The following TAFA1 variants were observed in gnomAD, a reference collection of about 807,000 sequenced individuals.
TAFA1 encodes the protein TAFA chemokine like family member 1.
A neutral mutation model predicts 18.5 loss-of-function variants in TAFA1; 4 were observed. The observed-to-expected ratio is 0.22, with a 90% CI of 0.11 to 0.49. The LOEUF (loss-of-function observed/expected upper bound fraction) is 0.49. Among genes scored for constraint, TAFA1 ranks in the 20% least tolerant of loss-of-function variants. TAFA1 has a pLI of 0.98. For synonymous variants in TAFA1, 56 were observed against 55.2 expected (o/e 1.01, Z -0.06); for missense variants, 147 against 169.0 (o/e 0.87, Z 0.72).
chr3:68,459,071 T>C (rs2071723785), intron 3 of TAFA1, among the ~76,000 whole-genome samples: 1 of 152,160 alleles, frequency 6.6e-6, no homozygotes, highest in African/African-American at 2.4e-5. Context: ...GTTTTTCTCC[T>C]TTAGGCAAAG....
intron 3 of TAFA1, among the ~76,000 whole-genome samples, chr3:68,436,697 G>A (rs2071273516): frequency 6.6e-6 from 1 of 152,086 alleles, no homozygotes; most frequent in South Asian, 2.1e-4. Context: ...CAAAACTTGG[G>A]CTCTGATTTG....
At chr3:68,396,226 A>C (rs2070381392) in intron 2 of TAFA1, among the ~76,000 whole-genome samples, 1 of 152,132 alleles carries the variant, frequency 6.6e-6, no homozygotes, top group Non-Finnish European at 1.5e-5. Flanking sequence ...AAATTTTAAA[A>C]ATTGAAATGT....
At chr3:68,527,110 G>A (rs1269600664) in intron 3 of TAFA1, among the ~76,000 whole-genome samples, 2 of 152,114 alleles carry the variant, frequency 1.3e-5, no homozygotes, top group African/African-American at 2.4e-5. Context: ...GCAAAGTCAT[G>A]TAAAGCTGAA....
At chr3:68,255,729 C>A (rs1368472978) in intron 2 of TAFA1, among the ~76,000 whole-genome samples, 1 of 151,736 alleles carries the variant, frequency 6.6e-6, no homozygotes, top group Non-Finnish European at 1.5e-5. Context: ...TTTAAGGGAC[C>A]CTAGGCTTCT....
chr3:68,210,643 C>T (rs1368347817), intron 2 of TAFA1, among the ~76,000 whole-genome samples: 1 of 152,054 alleles, frequency 6.6e-6, no homozygotes, highest in African/African-American at 2.4e-5. Flanking sequence ...TGTACCCATT[C>T]TTCCCAAGCT....
chr3:68,362,980 C>CT (rs10681792), intron 2 of TAFA1, among the ~76,000 whole-genome samples: 3,399 of 74,924 alleles, frequency 0.045, 139 homozygotes, highest in East Asian at 0.12. Context: ...GTCTTGCAGG[C>CT]TTTTTTTTTT....
intron 3 of TAFA1, among the ~76,000 whole-genome samples, chr3:68,523,303 T>TA (rs1488711637): frequency 6.6e-6 from 1 of 152,196 alleles, no homozygotes; most frequent in Non-Finnish European, 1.5e-5. Flanking sequence ...TACTTTAATG[T>TA]AAAATCTCCT....
At chr3:68,385,030 G>A (rs1166108351) in intron 2 of TAFA1, among the ~76,000 whole-genome samples, 1 of 151,666 alleles carries the variant, frequency 6.6e-6, no homozygotes, top group Non-Finnish European at 1.5e-5. Context: ...GGATTATTCT[G>A]TGTCCCTTTA....
At chr3:68,299,183 C>T (rs1444569468) in intron 2 of TAFA1, among the ~76,000 whole-genome samples, 1 of 152,150 alleles carries the variant, frequency 6.6e-6, no homozygotes, top group Non-Finnish European at 1.5e-5. Context: ...CAGAGAATGC[C>T]TTTGGTCTCT....
chr3:68,473,591 G>A (rs183777285), intron 3 of TAFA1, among the ~76,000 whole-genome samples: 41 of 152,236 alleles, frequency 2.7e-4, no homozygotes, highest in Non-Finnish European at 4.3e-4. Flanking sequence ...TGTTTGGTTT[G>A]CATCCTTCCC....
chr3:68,390,844 G>A (rs932727879), intron 2 of TAFA1, among the ~76,000 whole-genome samples: 13 of 152,238 alleles, frequency 8.5e-5, no homozygotes, highest in South Asian at 4.1e-4. Context: ...TGCAGAAACT[G>A]CATCTGAAGG....
chr3:68,200,220 C>T (rs1293018913), intron 2 of TAFA1, among the ~76,000 whole-genome samples: 1 of 151,496 alleles, frequency 6.6e-6, no homozygotes, highest in Admixed American at 6.6e-5. Context: ...TTTTTATACA[C>T]TGAATTTGAT....
At chr3:68,432,432 T>C (rs2071194635) in intron 3 of TAFA1, among the ~76,000 whole-genome samples, 1 of 151,924 alleles carries the variant, frequency 6.6e-6, no homozygotes, top group South Asian at 2.1e-4. Context: ...ACTCAGAAAA[T>C]ATATTAAATT....
chr3:67,997,996 A>T, the TAFA1 span, among the ~76,000 whole-genome samples: 1 of 152,102 alleles, frequency 6.6e-6, no homozygotes, highest in Non-Finnish European at 1.5e-5. Context: ...AAATAATAAA[A>T]TATGAAAAAT....
chr3:68,239,258 A>G (rs2066968238), intron 2 of TAFA1, among the ~76,000 whole-genome samples: 1 of 152,164 alleles, frequency 6.6e-6, no homozygotes, highest in African/African-American at 2.4e-5. Context: ...AGAAAGTAAG[A>G]ACTAACAATT....
At chr3:68,362,701 A>G (rs1251981920) in intron 2 of TAFA1, among the ~76,000 whole-genome samples, 3 of 152,100 alleles carry the variant, frequency 2.0e-5, no homozygotes, top group Non-Finnish European at 2.9e-5. Context: ...AGAAGGGGCT[A>G]CGTAACAGCA....
At chr3:68,369,053 AATAG>A (rs1417725596) in intron 2 of TAFA1, among the ~76,000 whole-genome samples, 35 of 152,226 alleles carry the variant, frequency 2.3e-4, no homozygotes, top group Non-Finnish European at 3.4e-4. Flanking sequence ...ATATTGTCAA[AATAG>A]ATAGCCTATA....
intron 2 of TAFA1, among the ~76,000 whole-genome samples, chr3:68,052,235 G>C (rs2106705221): frequency 6.6e-6 from 1 of 152,146 alleles, no homozygotes; most frequent in South Asian, 2.1e-4. Flanking sequence ...TATTTTCTAA[G>C]TATTGAGATC....
chr3:68,445,625 G>A (rs577635146), intron 3 of TAFA1, among the ~76,000 whole-genome samples: 1 of 152,236 alleles, frequency 6.6e-6, no homozygotes, highest in South Asian at 2.1e-4. Context: ...TGGATAAGAT[G>A]TAAGACCCCT....
Sources: allele counts gnomAD v4.1 joint callset (sites outside exome capture counted in the v4.1 genomes callset), GRCh38; gene constraint gnomAD v4.1.1; transcripts MANE v1.5; gene names NCBI Gene and HGNC (gene_info 2026-07-23, HGNC 2026-07-21).